PARL: variants seen among roughly 807,000 people sequenced by gnomAD.
PARL encodes the protein presenilin associated rhomboid like.
A neutral mutation model predicts 51.6 loss-of-function variants in PARL; 44 were observed. That is an observed-to-expected ratio of 0.85 (90% CI 0.67 to 1.10). PARL has a LOEUF of 1.10. Among genes scored for constraint, PARL ranks in the 50% least tolerant of loss-of-function variants. The pLI is 0.00. For synonymous variants in PARL, 172 were observed against 164.0 expected (o/e 1.05, Z -0.37); for missense variants, 441 against 469.5 (o/e 0.94, Z 0.56).
intron 1 of PARL, among the ~76,000 whole-genome samples, chr3:183,877,181 T>C (rs554675832): frequency 6.6e-6 from 1 of 152,284 alleles, no homozygotes; most frequent in Admixed American, 6.5e-5. Flanking sequence ...GCCATTGCAC[T>C]TCAGTCTGGG....
intron 5 of PARL, chr3:183,843,269 C>G: frequency 1.0e-6 from 1 of 985,312 alleles, no homozygotes; most frequent in South Asian, 4.7e-5. Flanking sequence ...ACTCTCAGTT[C>G]AATGAAAGCA....
chr3:183,827,977 C>T (rs1448528299), downstream of PARL, among the ~76,000 whole-genome samples: 7 of 152,214 alleles, frequency 4.6e-5, no homozygotes, highest in Non-Finnish European at 7.3e-5. Flanking sequence ...GCCCAAGAGG[C>T]CCACGGGCCA....
At chr3:183,834,177 C>T (rs1728287297) in intron 7 of PARL, among the ~76,000 whole-genome samples, 1 of 152,190 alleles carries the variant, frequency 6.6e-6, no homozygotes. Context: ...AGGGAGTGGG[C>T]ATGAATACGC....
At chr3:183,848,202 A>C (rs1302892072) in intron 4 of PARL, among the ~76,000 whole-genome samples, 1 of 152,258 alleles carries the variant, frequency 6.6e-6, no homozygotes, top group East Asian at 1.9e-4. Context: ...AAAACAGCTG[A>C]ATCTCAAAAC....
intron 1 of PARL, among the ~76,000 whole-genome samples, chr3:183,882,269 T>TTATATATATATATATATATTTA (rs1160451429): frequency 6.6e-5 from 2 of 30,484 alleles, no homozygotes; most frequent in Non-Finnish European, 1.3e-4. Context: ...ATATATATAT[T>TTATATATATATATATATATTTA]TATATATATA....
At chr3:183,862,906 CA>C in intron 3 of PARL, 105 bp from the exon 4 acceptor site, 1 of 866,130 alleles carries the variant, frequency 1.2e-6, no homozygotes, top group Non-Finnish European at 2.0e-6. Context: ...TCCTCTTCTG[CA>C]AAAATCACTG....
chr3:183,869,354 CCCA>C (rs967885101), intron 1 of PARL, among the ~76,000 whole-genome samples: 3 of 152,004 alleles, frequency 2.0e-5, no homozygotes, highest in African/African-American at 4.8e-5. Flanking sequence ...ATTATAGGCA[CCCA>C]CCACCACACC....
At chr3:183,878,425 T>C (rs1734088192) in intron 1 of PARL, among the ~76,000 whole-genome samples, 1 of 152,154 alleles carries the variant, frequency 6.6e-6, no homozygotes, top group Admixed American at 6.5e-5. Flanking sequence ...ATTGTGGCCA[T>C]GGTGTTTTAT....
chr3:183,836,551 G>A (rs1728617114), intron 7 of PARL, among the ~76,000 whole-genome samples: 1 of 152,110 alleles, frequency 6.6e-6, no homozygotes, highest in South Asian at 2.1e-4. Context: ...TAATGAAAAT[G>A]AACCCTTCTC....
chr3:183,881,182 T>C (rs1244819729), intron 1 of PARL, among the ~76,000 whole-genome samples: 1 of 149,296 alleles, frequency 6.7e-6, no homozygotes, highest in African/African-American at 2.5e-5. Flanking sequence ...AGTACAGTGA[T>C]GCAATCTCGG....
Position 183,860,296 on chromosome 3 carries a change from G to T in PARL, c.511+2457C>A, listed in dbSNP as rs1176463730. The stretch of plus-strand genomic sequence containing the variant: ...TTATTCTTGAGACTCTCATATATAG[G>T]TAATTGATTAAGCACCACTTACAGA... On this transcript the variant is annotated intron_variant, in intron 4 of 9. Coordinates refer to ENST00000317096, the MANE Select transcript of PARL (RefSeq NM_018622.7). Among the ~76,000 whole-genome samples the T allele has an allele frequency of 2.6e-5, 4 of 152,080 alleles. No homozygotes were observed. In the East Asian group the frequency reaches 7.7e-4, roughly 29 times the overall value.
At chr3:183,837,662 C>T (rs1051024684) in intron 7 of PARL, among the ~76,000 whole-genome samples, 3 of 152,130 alleles carry the variant, frequency 2.0e-5, no homozygotes, top group East Asian at 1.9e-4. Flanking sequence ...TAACGAGTCA[C>T]GGCACCCCCT....
chr3:183,868,193 C>T, intron 1 of PARL, 133 bp from the exon 2 acceptor site: 2 of 704,790 alleles, frequency 2.8e-6, no homozygotes, highest in Middle Eastern at 3.5e-4. Flanking sequence ...AGCCAAGACT[C>T]CTACTCTCAG....
At chr3:183,832,092 C>T (rs1157723179) in intron 9 of PARL, among the ~76,000 whole-genome samples, 2 of 152,184 alleles carry the variant, frequency 1.3e-5, no homozygotes, top group Admixed American at 6.5e-5. Flanking sequence ...TTATACTGCA[C>T]TGCTGTTAGA....
In PARL at chr3:183,868,363, G is replaced by C. The variant is rs80025845; in HGVS notation, c.126-303C>G. Among the ~76,000 whole-genome samples the C allele has an allele frequency of 7.9e-3, 1,202 of 151,996 alleles. 12 individuals are homozygous for C. Among genetic ancestry groups the C allele is most frequent in the African/African-American group, 0.027 (1,139 of 41,488 alleles). On this transcript the variant is annotated intron_variant, in intron 1 of 9. Coordinates refer to ENST00000317096, the MANE Select transcript of PARL (RefSeq NM_018622.7). ...AAAGAATCTGAAGACCTGGTAAAAA[G>C]CTAGAGAACTCTATAAATTGTCCGT... is the stretch of plus-strand genomic sequence containing the variant.
chr3:183,854,102 G>A (rs762080009), intron 4 of PARL, among the ~76,000 whole-genome samples: 1 of 152,004 alleles, frequency 6.6e-6, no homozygotes, highest in African/African-American at 2.4e-5. Context: ...AAAATTAGCC[G>A]GGCATGGTGG....
intron 4 of PARL, among the ~76,000 whole-genome samples, chr3:183,847,522 C>T (rs1730095592): frequency 6.6e-6 from 1 of 151,872 alleles, no homozygotes; most frequent in African/African-American, 2.4e-5. Flanking sequence ...CAAAATTGCA[C>T]CACTGTACTC....
At chr3:183,846,655 G>T in intron 4 of PARL, 3 of 985,002 alleles carry the variant, frequency 3.0e-6, no homozygotes, top group Non-Finnish European at 3.6e-6. Context: ...TACTTCATAA[G>T]CCAGTGGTCA....
chr3:183,863,407 T>G lies in PARL; in HGVS notation c.463-606A>C, dbSNP rs1330052507. On this transcript the variant is annotated intron_variant, in intron 3 of 9. Transcript: ENST00000317096. The stretch of plus-strand genomic sequence containing the variant: ...GATGAAAAAAAAATTGGCCCTGTCT[T>G]GGGGAACACTGAAGCTGGACGATAA... 2.6e-5 allele frequency among the ~76,000 whole-genome samples: 4 copies of G among 152,078 alleles called. No homozygotes were observed. In the East Asian group the frequency reaches 7.7e-4, roughly 29 times the overall value.
Sources: gnomAD v4.1 joint callset for allele counts (sites outside exome capture counted in the v4.1 genomes callset) on GRCh38, gnomAD v4.1.1 for gene constraint, MANE v1.5 for transcripts, NCBI Gene and HGNC (gene_info 2026-07-23, HGNC 2026-07-21) for gene names.